ACSS3: variants seen among roughly 807,000 people sequenced by gnomAD.
ACSS3 encodes the protein acyl-CoA synthetase short-chain family member 3, mitochondrial.
In ACSS3, 64 loss-of-function variants were observed where a neutral mutation model predicts 84.2. The ratio of observed to expected loss-of-function variants is 0.76; its 90% CI spans 0.62 to 0.94. The LOEUF is 0.94. ACSS3 is among the 40% of genes least tolerant of loss of function. The pLI, the probability that ACSS3 is intolerant of heterozygous loss-of-function variation, is 0.00. For missense variants in ACSS3, 815 were observed against 867.6 expected, an observed-to-expected ratio of 0.94 and a Z score of 0.76; for synonymous variants, 317 against 310.1, an observed-to-expected ratio of 1.02 and a Z score of -0.23.
Position 81,078,216 on chromosome 12 carries a change from G to A in ACSS3, c.96G>A (p.Ala32=). The A allele has an allele frequency of 1.3e-6, 2 of 1,582,400 alleles. No homozygotes were observed. Among genetic ancestry groups the A allele is most frequent in the Non-Finnish European group, 1.7e-6 (2 of 1,167,526 alleles). Residue 32 remains alanine, a synonymous_variant, in exon 1 of 16, where the codon GCG becomes GCA. Transcript: ENST00000548058. Reference sequence around the variant, plus strand: ...CCTCTCCGGCCCGGGGAGCCGGTGCGGCCCTCAGGGCTTTAGTGGTCCCGG... The same window carrying A: ...CCTCTCCGGCCCGGGGAGCCGGTGCAGCCCTCAGGGCTTTAGTGGTCCCGG... ...PGSSPARGAG[A]ALRALVVPGP...
intron 1 of ACSS3, among the ~76,000 whole-genome samples, chr12:81,090,635 A>G (rs1201523350): frequency 1.3e-5 from 2 of 151,998 alleles, no homozygotes; most frequent in East Asian, 3.9e-4. Context: ...CAAGGAACCA[A>G]AGAGTTTGAA....
At chr12:81,090,507 A>G (rs1290580162) in intron 1 of ACSS3, among the ~76,000 whole-genome samples, 3 of 151,962 alleles carry the variant, frequency 2.0e-5, no homozygotes, top group Admixed American at 6.6e-5. Flanking sequence ...AAACTTCACC[A>G]TATACAGATT....
chr12:81,231,216 C>T lies in ACSS3; in HGVS notation c.1596+78C>T, dbSNP rs1235579264. On this transcript the variant is annotated intron_variant, in intron 12 of 15. Transcript: ENST00000548058. ...TGCCTATTAAATTGAGAAACTTGCT[C>T]CTAGAATCGTAGATCAAAAAGAAAC... The T allele has an allele frequency of 1.2e-5, 15 of 1,214,924 alleles. No individual in the cohort carries two copies. The South Asian group carries it at 1.7e-4, about 14-fold the overall frequency. The allele number at this position is 1,214,924 out of a possible 1,614,324, so 75.3% of individuals were successfully genotyped here. A position where few individuals can be genotyped will look rare whatever the true frequency, so the allele number is the denominator to read the frequency against.
At chr12:81,113,210 A>G (rs907819791) in intron 2 of ACSS3, among the ~76,000 whole-genome samples, 2 of 152,172 alleles carry the variant, frequency 1.3e-5, no homozygotes, top group Non-Finnish European at 2.9e-5. Context: ...TATATTCTGT[A>G]GGAACACAAG....
chr12:81,189,910 A>G (rs1673311864), intron 8 of ACSS3, among the ~76,000 whole-genome samples: 1 of 152,160 alleles, frequency 6.6e-6, no homozygotes, highest in South Asian at 2.1e-4. Flanking sequence ...CCATTTGATC[A>G]ATTTCGATTT....
chr12:81,106,319 T>G (rs1285809393), intron 1 of ACSS3, among the ~76,000 whole-genome samples: 1 of 152,202 alleles, frequency 6.6e-6, no homozygotes, highest in African/African-American at 2.4e-5. Context: ...TGCATTCTCC[T>G]TATGAGAATC....
In ACSS3 at chr12:81,115,019, A is replaced by AT. The variant is rs570929724; in HGVS notation, c.456+5321dup. Among the ~76,000 whole-genome samples, 32 of 152,036 alleles carry AT rather than the reference A, an allele frequency of 2.1e-4. No individual in the cohort carries two copies. In the South Asian group the frequency reaches 5.0e-3, roughly 24 times the overall value. Reference sequence around the variant, plus strand: ...ATACAATGTACTCTTTTGTGTCAGGATTTTTTCACTCAACTTTCTGGTGAT... The same window carrying AT: ...ATACAATGTACTCTTTTGTGTCAGGATTTTTTTCACTCAACTTTCTGGTGAT... On this transcript the variant is annotated intron_variant, in intron 2 of 15. Transcript: ENST00000548058.
Position 81,258,200 on chromosome 12 carries a change from T to G in ACSS3, c.*3278T>G, listed in dbSNP as rs554571881. 7 of 152,244 alleles carry G rather than the reference T, an allele frequency of 4.6e-5. No homozygotes were observed. The South Asian group carries it at 1.4e-3, about 32-fold the overall frequency. 9.4% of individuals were successfully genotyped at this position (152,244 alleles called of 1,614,324 possible). On this transcript the variant is annotated 3_prime_UTR_variant, in exon 16 of 16. Transcript: ENST00000548058. ...ATATTTGGGTCACCCAAAGAACACA[T>G]TTCCTGATAGTTTAAGTAAATTGTC... is the stretch of plus-strand genomic sequence containing the variant.
intron 1 of ACSS3, among the ~76,000 whole-genome samples, chr12:81,107,674 C>T (rs1372658925): frequency 6.6e-6 from 1 of 150,654 alleles, no homozygotes; most frequent in Non-Finnish European, 1.5e-5. Context: ...TACTATATGT[C>T]CAGGAACCAC....
chr12:81,097,279 T>G (rs904532726), intron 1 of ACSS3, among the ~76,000 whole-genome samples: 1 of 152,196 alleles, frequency 6.6e-6, no homozygotes, highest in Non-Finnish European at 1.5e-5. Flanking sequence ...CCAGTTCCAT[T>G]GCAATCTCTC....
intron 4 of ACSS3, among the ~76,000 whole-genome samples, chr12:81,142,790 C>T (rs1886154327): frequency 6.6e-6 from 1 of 152,072 alleles, no homozygotes; most frequent in African/African-American, 2.4e-5. Context: ...TCTATAAAAA[C>T]ATGAAACGTT....
At chr12:81,178,937 C>G (rs1341333676) in intron 8 of ACSS3, among the ~76,000 whole-genome samples, 1 of 152,094 alleles carries the variant, frequency 6.6e-6, no homozygotes, top group Non-Finnish European at 1.5e-5. Context: ...AGTACTGCCT[C>G]TGAAACAGAC....
At chr12:81,087,018 T>G (rs1881364112) in intron 1 of ACSS3, among the ~76,000 whole-genome samples, 2 of 152,232 alleles carry the variant, frequency 1.3e-5, no homozygotes, top group Admixed American at 1.3e-4. Context: ...TAAGGAACAG[T>G]GCATAGAAAG....
Position 81,247,515 on chromosome 12 carries a change from A to C in ACSS3, c.1720-5792A>C, listed in dbSNP as rs2034020740. ...ATTGGCATCTAACAGAAACTTTGTCACTGGGTCTTGGAGTATTTAGGGTGC... is the reference window on the plus strand; with the variant it reads ...ATTGGCATCTAACAGAAACTTTGTCCCTGGGTCTTGGAGTATTTAGGGTGC... On this transcript the variant is annotated intron_variant, in intron 13 of 15. Transcript: ENST00000548058. 2.0e-5 allele frequency among the ~76,000 whole-genome samples: 3 copies of C among 152,134 alleles called. No homozygotes were observed. In the South Asian group the frequency reaches 6.2e-4, roughly 31 times the overall value.
At chr12:81,080,650 T>C (rs189687899) in intron 1 of ACSS3, among the ~76,000 whole-genome samples, 120 of 152,204 alleles carry the variant, frequency 7.9e-4, no homozygotes, top group Non-Finnish European at 1.5e-3. Context: ...AATTTGAATC[T>C]ATGACTGCAT....
intron 1 of ACSS3, among the ~76,000 whole-genome samples, chr12:81,080,690 G>A (rs1880915889): frequency 6.6e-6 from 1 of 152,044 alleles, no homozygotes; most frequent in Admixed American, 6.6e-5. Flanking sequence ...AGTCCTGATT[G>A]GTTAGCAAAT....
intron 8 of ACSS3, among the ~76,000 whole-genome samples, chr12:81,187,155 A>AC (rs2031310699): frequency 4.6e-5 from 1 of 21,726 alleles, no homozygotes; most frequent in South Asian, 1.7e-3. Context: ...AACAACAACA[A>AC]AAAAAAATCA....
At chr12:81,112,682 C>T (rs368386219) in intron 2 of ACSS3, among the ~76,000 whole-genome samples, 4 of 152,178 alleles carry the variant, frequency 2.6e-5, no homozygotes, top group African/African-American at 7.2e-5. Flanking sequence ...TGATTCCCTG[C>T]GGCCTTTATT....
chr12:81,253,800 T>G (rs1171080277), intron 15 of ACSS3, 130 bp downstream of exon 15: 5 of 912,638 alleles, frequency 5.5e-6, no homozygotes, highest in African/African-American at 1.7e-5. Flanking sequence ...TAGTACTATT[T>G]TTTAATGTTA....
Sources: allele counts gnomAD v4.1 joint callset (sites outside exome capture counted in the v4.1 genomes callset), GRCh38; gene constraint gnomAD v4.1.1; transcripts MANE v1.5; gene names NCBI Gene and HGNC (gene_info 2026-07-23, HGNC 2026-07-21).